The following PNOC variants were observed in gnomAD, a reference collection of about 807,000 sequenced individuals.
PNOC encodes the protein prepronociceptin, also known as nociceptin.
In PNOC, 10 loss-of-function variants were observed where a neutral mutation model predicts 15.6. The ratio of observed to expected loss-of-function variants is 0.64; its 90% CI spans 0.40 to 1.09. The LOEUF is 1.09. Ranked by LOEUF, PNOC falls within the 50% of genes least tolerant of loss-of-function variation. The pLI is 0.01. For missense variants in PNOC, 220 were observed against 223.9 expected, an observed-to-expected ratio of 0.98 and a Z score of 0.11; for synonymous variants, 98 against 88.5, an observed-to-expected ratio of 1.11 and a Z score of -0.60.
intron 2 of PNOC, among the ~76,000 whole-genome samples, chr8:28,334,184 A>G (rs1001711727): frequency 6.6e-6 from 1 of 152,116 alleles, no homozygotes; most frequent in East Asian, 1.9e-4. Flanking sequence ...GTAGAGTACT[A>G]ACTCGACAGG....
At chr8:28,329,481 T>TA (rs1456376718) in intron 2 of PNOC, among the ~76,000 whole-genome samples, 198 bp downstream of exon 2, 32 of 152,190 alleles carry the variant, frequency 2.1e-4, no homozygotes, top group Admixed American at 2.1e-3. Context: ...CTTTCCACCT[T>TA]ACCACCTGCA....
chr8:28,342,919 T>C (rs866684545), intron 3 of PNOC, 23 bp from the exon 4 acceptor site: 53 of 967,000 alleles, frequency 5.5e-5, no homozygotes, highest in Non-Finnish European at 3.3e-5. Context: ...TTTGCCATTT[T>C]TTAACCATTT....
In PNOC at chr8:28,339,496, G is replaced by A; in HGVS notation, c.*47+5G>A. On this transcript the variant is annotated splice_donor_5th_base_variant and intron_variant, in intron 3 of 3. Transcript: ENST00000301908. ...ACCGGCCACTGCAACCCATGAGTGA[G>A]TTGGGCACCAATAAGCTGGGGGCAA... 6.7e-7 allele frequency: 1 copy of A among 1,492,770 alleles called. No individual in the cohort carries two copies. Among genetic ancestry groups the A allele is most frequent in the African/African-American group, 1.4e-5 (1 of 71,582 alleles). The allele number at this position is 1,492,770 out of a possible 1,614,324, so 92.5% of individuals were successfully genotyped here.
chr8:28,340,672 G>T (rs1169434293), intron 3 of PNOC, among the ~76,000 whole-genome samples: 2 of 152,232 alleles, frequency 1.3e-5, no homozygotes, highest in Non-Finnish European at 2.9e-5. Flanking sequence ...CTCACGTTCT[G>T]CAGTCTATAC....
intron 2 of PNOC, 135 bp downstream of exon 2, chr8:28,329,418 C>G (rs1801285766): frequency 3.2e-6 from 3 of 943,132 alleles, no homozygotes; most frequent in African/African-American, 3.3e-5. Context: ...ATTACATGGC[C>G]CATAGGAAAC....
At chr8:28,325,628 G>A (rs1450664095) in intron 1 of PNOC, among the ~76,000 whole-genome samples, 2 of 148,650 alleles carry the variant, frequency 1.3e-5, no homozygotes, top group African/African-American at 5.0e-5. Context: ...CTCCAGCCTG[G>A]GCGACAGAGT....
At position 28,320,092 on chromosome 8, in the gene PNOC, CTTTTTTTTTTT is replaced by C. The variant is rs34876964; in HGVS notation, c.-24+2795_-24+2805del. On this transcript the variant is annotated intron_variant, in intron 1 of 3. Transcript: ENST00000301908. Reference sequence around the variant, plus strand: ...TGTTTGTTTCTTTCTTTCTTTCTTTCTTTTTTTTTTTTTTTTTTTTTTTTTTTTTCAAAATA... The same window carrying C: ...TGTTTGTTTCTTTCTTTCTTTCTTTCTTTTTTTTTTTTTTTTTTCAAAATA... Among the ~76,000 whole-genome samples the C allele has an allele frequency of 5.0e-4, 15 of 29,728 alleles. No individual in the cohort carries two copies. In the South Asian group the frequency reaches 5.6e-3, roughly 11 times the overall value. The allele number at this position is 29,728 out of a possible 152,430, so 19.5% of individuals were successfully genotyped here. A position where few individuals can be genotyped will look rare whatever the true frequency, so the allele number is the denominator to read the frequency against.
chr8:28,318,095 C>T lies in PNOC; in HGVS notation c.-24+779C>T, dbSNP rs561752941. 3.3e-5 allele frequency among the ~76,000 whole-genome samples: 5 copies of T among 152,084 alleles called. No individual in the cohort carries two copies. In the South Asian group the frequency reaches 8.3e-4, roughly 25 times the overall value. ...TTTGCCCAGGTCATGCAGAATACTC[C>T]GTTCATAGTCACCGCATCCCAACTC... On this transcript the variant is annotated intron_variant, in intron 1 of 3. Transcript: ENST00000301908.
At chr8:28,342,889 G>A (rs1015706733) in intron 3 of PNOC, 53 bp from the exon 4 acceptor site, 2 of 710,122 alleles carry the variant, frequency 2.8e-6, no homozygotes, top group African/African-American at 3.8e-5. Flanking sequence ...GAATAGAAAA[G>A]GGTCAGAAAA....
At chr8:28,332,497 T>C (rs1336113832) in intron 2 of PNOC, among the ~76,000 whole-genome samples, 1 of 152,204 alleles carries the variant, frequency 6.6e-6, no homozygotes, top group East Asian at 1.9e-4. Flanking sequence ...GGTAAATGAC[T>C]CACACCCAAA....
At chr8:28,326,562 G>A (rs138222200) in intron 1 of PNOC, among the ~76,000 whole-genome samples, 26 of 151,670 alleles carry the variant, frequency 1.7e-4, no homozygotes, top group African/African-American at 5.8e-4. Flanking sequence ...CTAAAAATGT[G>A]GATCCTTACA....
chr8:28,334,227 T>G (rs1025813338), intron 2 of PNOC, among the ~76,000 whole-genome samples: 7 of 152,196 alleles, frequency 4.6e-5, no homozygotes, highest in African/African-American at 1.7e-4. Context: ...TACACATTGA[T>G]TCTAGCTGGT....
intron 2 of PNOC, among the ~76,000 whole-genome samples, chr8:28,331,431 C>T (rs1801328179): frequency 6.6e-6 from 1 of 152,058 alleles, no homozygotes; most frequent in Non-Finnish European, 1.5e-5. Context: ...TCCTTGTCCT[C>T]TCCCCACTCC....
At chr8:28,325,446 G>T (rs1044288290) in intron 1 of PNOC, among the ~76,000 whole-genome samples, 1 of 151,986 alleles carries the variant, frequency 6.6e-6, no homozygotes, top group African/African-American at 2.4e-5. Flanking sequence ...TTGAGGTGAG[G>T]AGTTCAAGAC....
At chr8:28,338,005 A>G (rs143044829) in intron 2 of PNOC, among the ~76,000 whole-genome samples, 1,792 of 152,288 alleles carry the variant, frequency 0.012, 118 homozygotes, top group Admixed American at 0.1. Flanking sequence ...GGGGAGATGA[A>G]TACGGGCCAG....
chr8:28,330,718 G>T (rs1178771459), intron 2 of PNOC, among the ~76,000 whole-genome samples: 1 of 151,704 alleles, frequency 6.6e-6, no homozygotes, highest in African/African-American at 2.4e-5. Flanking sequence ...CTTTATTTTT[G>T]ATATTGCAGA....
At chr8:28,324,878 G>A (rs1033344681) in intron 1 of PNOC, among the ~76,000 whole-genome samples, 2 of 152,056 alleles carry the variant, frequency 1.3e-5, no homozygotes, top group African/African-American at 4.8e-5. Flanking sequence ...ACAAAAAAGA[G>A]TGTTAGAGTG....
At chr8:28,320,092 C>CTTTCTT (rs1801123908) in intron 1 of PNOC, among the ~76,000 whole-genome samples, 2 of 29,728 alleles carry the variant, frequency 6.7e-5, no homozygotes, top group African/African-American at 1.3e-4. Context: ...TTCTTTCTTT[C>CTTTCTT]TTTTTTTTTT....
In PNOC at chr8:28,325,598, G is replaced by C. The variant is rs112626769; in HGVS notation, c.-23-3537G>C. Among the ~76,000 whole-genome samples the C allele has an allele frequency of 5.1e-4, 75 of 146,982 alleles. 1 individual carries two copies. The highest frequency in any genetic ancestry group is 1.8e-3 in the African/African-American group (73 of 39,540). On this transcript the variant is annotated intron_variant, in intron 1 of 3. Transcript: ENST00000301908. Reference sequence around the variant, plus strand: ...ACTTAAGAGGCGGAGTTTGCAGTGAGTCGAGATCGCGCCACTGCACTCCAG... The same window carrying C: ...ACTTAAGAGGCGGAGTTTGCAGTGACTCGAGATCGCGCCACTGCACTCCAG...
Sources: allele counts gnomAD v4.1 joint callset (sites outside exome capture counted in the v4.1 genomes callset), GRCh38; gene constraint gnomAD v4.1.1; transcripts MANE v1.5; gene names NCBI Gene and HGNC (gene_info 2026-07-23, HGNC 2026-07-21).